ITCH: variants seen among roughly 807,000 people sequenced by gnomAD.
ITCH encodes the protein E3 ubiquitin-protein ligase Itchy homolog.
In ITCH, 28 loss-of-function variants were observed where a neutral mutation model predicts 126.8. The observed-to-expected ratio is 0.22, with a 90% CI of 0.16 to 0.30. The LOEUF (loss-of-function observed/expected upper bound fraction) is 0.30. ITCH is among the 10% of genes least tolerant of loss of function. The pLI is 1.00. For missense variants in ITCH, 631 were observed against 1,032.4 expected (o/e 0.61, Z 5.33); for synonymous variants, 342 against 340.0 (o/e 1.01, Z -0.06).
At chr20:34,503,814 G>C (rs781308286) in intron 23 of ITCH, among the ~76,000 whole-genome samples, 3 of 129,672 alleles carry the variant, frequency 2.3e-5, no homozygotes, top group Non-Finnish European at 3.3e-5. Flanking sequence ...GACCCCTAGA[G>C]TTTCTTTTTT....
intron 2 of ITCH, among the ~76,000 whole-genome samples, chr20:34,369,994 G>A (rs920562747): frequency 6.6e-6 from 1 of 151,462 alleles, no homozygotes; most frequent in Non-Finnish European, 1.5e-5. Flanking sequence ...AATCCTAGCT[G>A]ATTGGGAGGG....
rs755013435 is a variant in ITCH at position 34,442,233 on chromosome 20, G to C, written c.895G>C (p.Gly299Arg). ...TTGGGAGCAGAGAGTGGACCAGCACGGGCGAGTTTACTATGTAGATCATGT... is the reference window on the plus strand; with the variant it reads ...TTGGGAGCAGAGAGTGGACCAGCACCGGCGAGTTTACTATGTAGATCATGT... ...PGWEQRVDQHGRVYYVDHVEK... is the reference protein window; with the variant it reads ...PGWEQRVDQHRRVYYVDHVEK... The change falls in exon 10 of 25, where the codon GGG becomes CGG. Residue 299 changes from glycine to arginine, a missense_variant. Physicochemically the swap from Gly to Arg is moderately radical, Grantham distance 125. Around this residue, in one of 4 missense-constraint regions of ITCH, gnomAD observed 390 missense variants for 731.6 expected, o/e 0.53. Coordinates refer to ENST00000374864, the MANE Select transcript of ITCH (RefSeq NM_031483.7). The C allele has an allele frequency of 3.1e-6, 5 of 1,613,976 alleles. No homozygotes were observed. The East Asian group carries it at 1.1e-4, about 36-fold the overall frequency.
intron 22 of ITCH, among the ~76,000 whole-genome samples, chr20:34,490,958 C>G (rs1989465827): frequency 1.3e-5 from 2 of 152,144 alleles, no homozygotes; most frequent in African/African-American, 2.4e-5. Flanking sequence ...GGAGTTTTAT[C>G]CTTTATATCC....
chr20:34,442,372 C>T, intron 10 of ITCH, 69 bp downstream of exon 10: 1 of 1,109,136 alleles, frequency 9.0e-7, no homozygotes, highest in Non-Finnish European at 1.4e-6. Flanking sequence ...GTATAATCTT[C>T]CCTACATTTC....
intron 16 of ITCH, among the ~76,000 whole-genome samples, chr20:34,477,502 C>T (rs927528033): frequency 1.3e-5 from 2 of 152,104 alleles, no homozygotes; most frequent in East Asian, 3.8e-4. Flanking sequence ...GCACTCCAGC[C>T]TGGGCAACGA....
In ITCH at chr20:34,444,559, T is replaced by TGCAACAACAGGGAA. The variant is rs1406305796; in HGVS notation, c.966-728_966-727insGCAACAACAGGGAA. ...GATCGCGCCATTGCACTCCATCCAGTCTGGGCAACAAGAGGGAAACTCTGT... is the reference window on the plus strand; with the variant it reads ...GATCGCGCCATTGCACTCCATCCAGTGCAACAACAGGGAACTGGGCAACAAGAGGGAAACTCTGT... On this transcript the variant is annotated intron_variant, in intron 10 of 24. Coordinates refer to ENST00000374864, the MANE Select transcript of ITCH (RefSeq NM_031483.7). Among the ~76,000 whole-genome samples the TGCAACAACAGGGAA allele has an allele frequency of 3.3e-5, 5 of 151,954 alleles. No homozygotes were observed. In the East Asian group the frequency reaches 9.6e-4, roughly 29 times the overall value.
chr20:34,417,471 C>T lies in ITCH; in HGVS notation c.475+3592C>T, dbSNP rs6141470. 5.0e-3 allele frequency among the ~76,000 whole-genome samples: 746 copies of T among 148,704 alleles called. 16 individuals carry two copies. In the East Asian group the frequency reaches 0.068, roughly 14 times the overall value. On this transcript the variant is annotated intron_variant, in intron 6 of 24. Coordinates refer to ENST00000374864, the MANE Select transcript of ITCH (RefSeq NM_031483.7). Reference sequence around the variant, plus strand: ...CTGGAGTGCAATGGCACGATCTCGGCTCACTACAACCTCTGCCTCCCGGGT... The same window carrying T: ...CTGGAGTGCAATGGCACGATCTCGGTTCACTACAACCTCTGCCTCCCGGGT...
chr20:34,448,909 T>C (rs1276373712), intron 11 of ITCH, among the ~76,000 whole-genome samples: 2 of 152,206 alleles, frequency 1.3e-5, no homozygotes, highest in Non-Finnish European at 2.9e-5. Context: ...ACTTTCCAGC[T>C]GGAAACCTTT....
At chr20:34,469,296 C>CT (rs199837126) in intron 14 of ITCH, among the ~76,000 whole-genome samples, 33 of 145,304 alleles carry the variant, frequency 2.3e-4, no homozygotes, top group East Asian at 4.0e-4. Context: ...AAAATCCTTC[C>CT]TTTTTTTTTT....
Position 34,508,775 on chromosome 20 carries a change from T to C in ITCH, c.*981T>C, listed in dbSNP as rs1978441367. The C allele has an allele frequency of 6.6e-6, 1 of 152,244 alleles. No individual in the cohort carries two copies. Among genetic ancestry groups the C allele is most frequent in the African/African-American group, 2.4e-5 (1 of 41,468 alleles). 9.4% of individuals were successfully genotyped at this position (152,244 alleles called of 1,614,324 possible). On this transcript the variant is annotated 3_prime_UTR_variant, in exon 25 of 25. Coordinates refer to ENST00000374864, the MANE Select transcript of ITCH (RefSeq NM_031483.7). ...TTTATATGTTCCGCTATATAATTGA[T>C]GCTTTATAGTTTTATCATAATCCAA...
chr20:34,459,012 C>T (rs1259685935), intron 13 of ITCH, among the ~76,000 whole-genome samples: 3 of 152,142 alleles, frequency 2.0e-5, no homozygotes, highest in Admixed American at 1.3e-4. Flanking sequence ...ACTGTACAGT[C>T]GGAGGGCACA....
At chr20:34,435,249 A>G (rs1351473783) in intron 7 of ITCH, among the ~76,000 whole-genome samples, 3 of 151,040 alleles carry the variant, frequency 2.0e-5, no homozygotes, top group Non-Finnish European at 4.4e-5. Context: ...GCTTACCACA[A>G]CCTCAGCCTC....
Position 34,442,236 on chromosome 20 carries a change from C to T in ITCH, c.898C>T (p.Arg300Ter), listed in dbSNP as rs1398131570. 4 of 1,613,750 alleles carry T rather than the reference C, an allele frequency of 2.5e-6. No homozygotes were observed. Among genetic ancestry groups the T allele is most frequent in the Non-Finnish European group, 3.4e-6 (4 of 1,179,850 alleles). ...GGAGCAGAGAGTGGACCAGCACGGG[C>T]GAGTTTACTATGTAGATCATGTTGA... is the stretch of plus-strand genomic sequence containing the variant. ...GWEQRVDQHG[R>*]VYYVDHVEKR... is the part of the protein sequence containing the mutation. The change falls in exon 10 of 25, where the codon CGA (arginine) becomes TGA (stop). Residue 300 changes from arginine to a stop codon, truncating the protein, a stop_gained. Coordinates refer to ENST00000374864, the MANE Select transcript of ITCH (RefSeq NM_031483.7). LOFTEE classifies it high-confidence loss of function.
At chr20:34,489,131 G>T (rs1346863840) in intron 20 of ITCH, 135 bp from the exon 21 acceptor site, 2 of 659,494 alleles carry the variant, frequency 3.0e-6, no homozygotes, top group Non-Finnish European at 5.0e-6. Context: ...TTGGACATGT[G>T]TACAGGGGGT....
chr20:34,384,559 T>C (rs997248724), intron 2 of ITCH, among the ~76,000 whole-genome samples: 1 of 151,936 alleles, frequency 6.6e-6, no homozygotes, highest in Non-Finnish European at 1.5e-5. Flanking sequence ...GATTATAGGC[T>C]TGAGCCGCCG....
chr20:34,492,705 T>C, intron 23 of ITCH, 108 bp downstream of exon 23: 1 of 769,126 alleles, frequency 1.3e-6, no homozygotes. Context: ...ATAGCCATTT[T>C]CTTAACTATT....
intron 14 of ITCH, among the ~76,000 whole-genome samples, chr20:34,468,691 G>A (rs975553014): frequency 4.6e-5 from 7 of 151,656 alleles, no homozygotes; most frequent in African/African-American, 9.7e-5. Context: ...CTCAGGAGGC[G>A]GAGGCAGGAG....
At chr20:34,435,717 AG>A (rs1270272422) in intron 7 of ITCH, among the ~76,000 whole-genome samples, 1 of 152,170 alleles carries the variant, frequency 6.6e-6, no homozygotes, top group Admixed American at 6.5e-5. Flanking sequence ...AAAGTAGATG[AG>A]GGGTTAGTTG....
chr20:34,452,146 T>C (rs1009799519), intron 12 of ITCH, among the ~76,000 whole-genome samples: 30 of 152,182 alleles, frequency 2.0e-4, no homozygotes, highest in Middle Eastern at 6.9e-3. Flanking sequence ...CAAAACTGTT[T>C]TACTCCTTCT....
Sources: allele counts gnomAD v4.1 joint callset (sites outside exome capture counted in the v4.1 genomes callset), GRCh38; gene constraint gnomAD v4.1.1; regional missense constraint gnomAD v4.1.1; transcripts MANE v1.5; gene names NCBI Gene and HGNC (gene_info 2026-07-23, HGNC 2026-07-21).